Variants in AGBL4 observed in about 807,000 individuals in gnomAD.
AGBL4 encodes the protein AGBL carboxypeptidase 4.
AGBL4 carries 58 observed loss-of-function variants against 66.4 expected under a neutral mutation model. The observed-to-expected ratio is 0.87, with a 90% confidence interval of 0.71 to 1.09. The LOEUF is 1.09. Ranked by LOEUF, AGBL4 falls within the 50% of genes least tolerant of loss-of-function variation. The probability of loss-of-function intolerance (pLI) is 0.00; values close to 1 mark genes in which losing one functional copy is unlikely to be tolerated. For missense variants in AGBL4, 579 were observed against 631.0 expected, an observed-to-expected ratio of 0.92 and a Z score of 0.88; for synonymous variants, 234 against 222.9, an observed-to-expected ratio of 1.05 and a Z score of -0.44.
At chr1:49,030,162 A>G (rs1183156030) in intron 5 of AGBL4, among the ~76,000 whole-genome samples, 2 of 152,136 alleles carry the variant, frequency 1.3e-5, no homozygotes, top group Non-Finnish European at 2.9e-5. Context: ...TGTATGCTGA[A>G]ATCCTAATCC....
At chr1:49,250,171 T>C (rs1044164477) in intron 3 of AGBL4, among the ~76,000 whole-genome samples, 20 of 152,208 alleles carry the variant, frequency 1.3e-4, no homozygotes, top group African/African-American at 4.1e-4. Context: ...AGGAAAATTA[T>C]AGTTAATGAC....
Position 49,172,375 on chromosome 1 carries a change from C to T in AGBL4, c.377+73395G>A, listed in dbSNP as rs528729043. Reference sequence around the variant, plus strand: ...GCCAGGATGAGCCAGATGTGTGCCTCCAAAAAAATTGGAAGTGGGAGGCGT... The same window carrying T: ...GCCAGGATGAGCCAGATGTGTGCCTTCAAAAAAATTGGAAGTGGGAGGCGT... On this transcript the variant is annotated intron_variant, in intron 4 of 13. Coordinates refer to ENST00000371839, the MANE Select transcript of AGBL4 (RefSeq NM_032785.4). 5.3e-5 allele frequency among the ~76,000 whole-genome samples: 8 copies of T among 152,192 alleles called. No homozygotes were observed. The South Asian group carries it at 6.2e-4, about 12-fold the overall frequency.
intron 2 of AGBL4, among the ~76,000 whole-genome samples, chr1:49,821,915 A>G (rs940196450): frequency 6.6e-6 from 1 of 152,166 alleles, no homozygotes; most frequent in South Asian, 2.1e-4. Flanking sequence ...TTTAACTAAT[A>G]AACATTTCTT....
chr1:48,678,102 G>A (rs536941040), intron 6 of AGBL4, among the ~76,000 whole-genome samples: 9 of 152,320 alleles, frequency 5.9e-5, no homozygotes, highest in Admixed American at 2.0e-4. Flanking sequence ...GACAAGCCCA[G>A]CCTGTCTGTC....
intron 3 of AGBL4, among the ~76,000 whole-genome samples, chr1:49,594,799 C>T (rs1247884847): frequency 6.6e-6 from 1 of 152,144 alleles, no homozygotes; most frequent in Non-Finnish European, 1.5e-5. Flanking sequence ...CAAGTCTTTG[C>T]TATTGTGAAT....
At chr1:48,750,567 G>A (rs780394019) in intron 6 of AGBL4, among the ~76,000 whole-genome samples, 2 of 152,194 alleles carry the variant, frequency 1.3e-5, no homozygotes, top group Non-Finnish European at 2.9e-5. Context: ...CATCCCAACT[G>A]TCTGCTGTTG....
intron 3 of AGBL4, among the ~76,000 whole-genome samples, chr1:49,356,964 G>A (rs549022781): frequency 2.6e-5 from 4 of 152,152 alleles, no homozygotes; most frequent in Non-Finnish European, 4.4e-5. Context: ...TGGTGTCTCT[G>A]ACATGGAATG....
intron 6 of AGBL4, among the ~76,000 whole-genome samples, chr1:48,825,072 C>T (rs1484070225): frequency 6.6e-6 from 1 of 152,190 alleles, no homozygotes; most frequent in Non-Finnish European, 1.5e-5. Context: ...ATGTTAGGCT[C>T]TTTATGACTC....
chr1:48,934,990 G>GTTCA lies in AGBL4; in HGVS notation c.595-67764_595-67761dup, dbSNP rs1336053705. On this transcript the variant is annotated intron_variant, in intron 5 of 13. Coordinates refer to ENST00000371839, the MANE Select transcript of AGBL4 (RefSeq NM_032785.4). Reference sequence around the variant, plus strand: ...AAACTTCTACTTCATATTTTCAGTCGTTCATTCATTCATTCAACAAAGATA... The same window carrying GTTCA: ...AAACTTCTACTTCATATTTTCAGTCGTTCATTCATTCATTCATTCAACAAAGATA... Among the ~76,000 whole-genome samples, 13 of 151,998 alleles carry GTTCA rather than the reference G, an allele frequency of 8.6e-5. 1 individual carries two copies. Among genetic ancestry groups the GTTCA allele is most frequent in the Non-Finnish European group, 1.5e-5 (1 of 68,016 alleles).
At chr1:49,762,701 T>C (rs940916920) in intron 2 of AGBL4, among the ~76,000 whole-genome samples, 3 of 152,222 alleles carry the variant, frequency 2.0e-5, no homozygotes, top group Admixed American at 6.5e-5. Context: ...CGTGAGCCAC[T>C]GCACCCGGCC....
At chr1:49,294,377 G>T (rs1350582013) in intron 3 of AGBL4, among the ~76,000 whole-genome samples, 1 of 152,138 alleles carries the variant, frequency 6.6e-6, no homozygotes, top group Non-Finnish European at 1.5e-5. Context: ...ACATCATGGG[G>T]AATAAACTGA....
At chr1:48,686,781 C>T (rs924123246) in intron 6 of AGBL4, among the ~76,000 whole-genome samples, 1 of 152,166 alleles carries the variant, frequency 6.6e-6, no homozygotes, top group Non-Finnish European at 1.5e-5. Context: ...CGCTCTAAGC[C>T]TCAGTGTCCT....
At chr1:48,972,281 C>T (rs1658970569) in intron 5 of AGBL4, among the ~76,000 whole-genome samples, 1 of 152,026 alleles carries the variant, frequency 6.6e-6, no homozygotes, top group African/African-American at 2.4e-5. Flanking sequence ...GGACTTAGTC[C>T]ATCCGTATCT....
chr1:48,599,271 T>C (rs1367274280), intron 9 of AGBL4, among the ~76,000 whole-genome samples: 1 of 152,220 alleles, frequency 6.6e-6, no homozygotes, highest in Non-Finnish European at 1.5e-5. Context: ...AAGTATAGTA[T>C]AGAAAATACA....
chr1:48,891,955 G>C (rs1319435707), intron 5 of AGBL4, among the ~76,000 whole-genome samples: 1 of 152,058 alleles, frequency 6.6e-6, no homozygotes, highest in Admixed American at 6.6e-5. Context: ...AATACACATT[G>C]TATTTATTTC....
chr1:48,808,203 T>C (rs921251608), intron 6 of AGBL4, among the ~76,000 whole-genome samples: 2 of 152,202 alleles, frequency 1.3e-5, no homozygotes, highest in Non-Finnish European at 2.9e-5. Flanking sequence ...TAAAATGGAA[T>C]GGTAATGGTA....
chr1:48,805,426 C>A (rs1185949702), intron 6 of AGBL4, among the ~76,000 whole-genome samples: 3 of 152,094 alleles, frequency 2.0e-5, no homozygotes, highest in African/African-American at 7.2e-5. Context: ...GCGGTAGAAT[C>A]CCTGGTTTGG....
chr1:49,031,221 G>A (rs1006704377), intron 5 of AGBL4, among the ~76,000 whole-genome samples: 11 of 151,946 alleles, frequency 7.2e-5, no homozygotes, highest in Admixed American at 6.6e-4. Context: ...CCAAGTAGCT[G>A]GGACTACAGG....
intron 3 of AGBL4, among the ~76,000 whole-genome samples, chr1:49,582,939 CTTAGAGGATGTGATACTG>C (rs926572761): frequency 4.9e-4 from 74 of 152,242 alleles, no homozygotes; most frequent in African/African-American, 1.7e-3. Context: ...TGGTTTTTGC[CTTAGAGGATGTGATACTG>C]TGATATGACA....
Sources: gnomAD v4.1 joint callset for allele counts (sites outside exome capture counted in the v4.1 genomes callset) on GRCh38, gnomAD v4.1.1 for gene constraint, MANE v1.5 for transcripts, NCBI Gene and HGNC (gene_info 2026-07-23, HGNC 2026-07-21) for gene names.